The following ZNF248 variants were observed in gnomAD, a reference collection of about 807,000 sequenced individuals.
ZNF248 encodes the protein KRAB protein domain.
In ZNF248, 20 loss-of-function variants were observed where a neutral mutation model predicts 44.3. That is an observed-to-expected ratio of 0.45 (90% CI 0.32 to 0.66). The LOEUF (loss-of-function observed/expected upper bound fraction) is 0.66, where lower values mean the gene tolerates loss of function less well. Ranked by LOEUF, ZNF248 falls within the 30% of genes least tolerant of loss-of-function variation. ZNF248 has a pLI of 0.04. For missense variants in ZNF248, 654 were observed against 677.0 expected (o/e 0.97, Z 0.38); for synonymous variants, 224 against 229.0 (o/e 0.98, Z 0.20).
At chr10:37,819,822 G>A (rs1311251670) in intron 6 of ZNF248, 69 of 787,036 alleles carry the variant, frequency 8.8e-5, no homozygotes, top group Middle Eastern at 2.3e-4. Context: ...GGAGGTTTCC[G>A]CTTTGCTAAC....
chr10:37,793,683 C>A (rs1166466070), intron 6 of ZNF248, among the ~76,000 whole-genome samples: 1 of 152,102 alleles, frequency 6.6e-6, no homozygotes, highest in African/African-American at 2.4e-5. Context: ...TCCTGTGATG[C>A]AACATATGCA....
chr10:37,776,473 C>T (rs939723800), downstream of ZNF248: 3 of 397,648 alleles, frequency 7.5e-6, no homozygotes, highest in Non-Finnish European at 1.3e-5. Flanking sequence ...GGGCTGACAA[C>T]GTTCAGGTTA....
At chr10:37,855,303 C>T (rs2061076600) in intron 3 of ZNF248, among the ~76,000 whole-genome samples, 1 of 152,074 alleles carries the variant, frequency 6.6e-6, no homozygotes, top group Non-Finnish European at 1.5e-5. Flanking sequence ...AAATGTCACC[C>T]TACCTGGAGA....
chr10:37,790,164 G>C (rs144812953), intron 6 of ZNF248, among the ~76,000 whole-genome samples: 5,466 of 151,428 alleles, frequency 0.036, 359 homozygotes, highest in African/African-American at 0.13. Flanking sequence ...CCAACTACTC[G>C]GCAGGCTGAG....
chr10:37,844,531 A>G (rs1589840423), intron 3 of ZNF248, among the ~76,000 whole-genome samples: 1 of 152,250 alleles, frequency 6.6e-6, no homozygotes, highest in Non-Finnish European at 1.5e-5. Context: ...ATGCATACAC[A>G]GTAATTATAA....
rs553308935 is a variant in ZNF248, at chr10:37,785,468, C to T, written c.331-8893G>A. On this transcript the variant is annotated intron_variant, in intron 6 of 6. Coordinates refer to the ZNF248 transcript ENST00000615949. ...AAAAATGGTGCATTGGGAATTGGGC[C>T]TGAACAGGTCTCAGCAACTTAGTAA... 7.9e-5 allele frequency among the ~76,000 whole-genome samples: 12 copies of T among 152,272 alleles called. No homozygotes were observed. In the East Asian group the frequency reaches 1.5e-3, roughly 20 times the overall value.
downstream of ZNF248, among the ~76,000 whole-genome samples, chr10:37,827,133 T>C (rs2054505717): frequency 6.6e-6 from 1 of 152,216 alleles, no homozygotes; most frequent in African/African-American, 2.4e-5. Context: ...GCACCAGTCA[T>C]GGCTGCCAAG....
At chr10:37,766,888 C>T in the ZNF248 span, among the ~76,000 whole-genome samples, 34 of 151,920 alleles carry the variant, frequency 2.2e-4, no homozygotes, top group Non-Finnish European at 4.0e-4. Context: ...AAAAATTAGA[C>T]GAATGGATAA....
the ZNF248 span, among the ~76,000 whole-genome samples, chr10:37,769,012 G>C: frequency 6.6e-6 from 1 of 152,254 alleles, no homozygotes; most frequent in South Asian, 2.1e-4. Flanking sequence ...AAATAAACTA[G>C]AAAATCTAGA....
Position 37,856,486 on chromosome 10 carries a change from C to T in ZNF248, c.-79G>A. ...CTGAGCTCAGACATGACACTTTTCA[C>T]TGAGTGAATGTAAATATTTCTTATT... On this transcript the variant is annotated 5_prime_UTR_variant, in exon 2 of 6. It adds an upstream start codon to the 5' untranslated region. Coordinates refer to ENST00000395867, the MANE Select transcript of ZNF248 (RefSeq NM_021045.3). 1 of 1,275,164 alleles carries T rather than the reference C, an allele frequency of 7.8e-7. No homozygotes were observed. The highest frequency in any genetic ancestry group is 1.5e-5 in the African/African-American group (1 of 66,508). 79.0% of individuals were successfully genotyped at this position (1,275,164 alleles called of 1,614,324 possible).
intron 3 of ZNF248, among the ~76,000 whole-genome samples, chr10:37,840,626 A>C (rs1260716031): frequency 6.6e-6 from 1 of 152,134 alleles, no homozygotes; most frequent in African/African-American, 2.4e-5. Flanking sequence ...AAAGCTAAAC[A>C]ATCTAAATTA....
Position 37,780,210 on chromosome 10 carries a change from C to G in ZNF248, c.331-3635G>C, listed in dbSNP as rs529896937. 7.6e-3 allele frequency among the ~76,000 whole-genome samples: 1,160 copies of G among 151,960 alleles called. 16 individuals carry two copies. Among genetic ancestry groups the G allele is most frequent in the Non-Finnish European group, 7.2e-3 (488 of 67,932 alleles). ...CAAAAAGGAGCCCGCATCGCCAAGT[C>G]AATCCTAAGCCAAAAGAACAAAGCT... On this transcript the variant is annotated intron_variant, in intron 6 of 6. Coordinates refer to the ZNF248 transcript ENST00000615949.
chr10:37,815,531 AG>A (rs2052306627), intron 6 of ZNF248, among the ~76,000 whole-genome samples: 2 of 151,892 alleles, frequency 1.3e-5, no homozygotes, highest in South Asian at 4.2e-4. Flanking sequence ...TTTTGTTTAT[AG>A]TTTTCTTGAC....
intron 6 of ZNF248, among the ~76,000 whole-genome samples, chr10:37,804,616 T>C (rs55742761): frequency 0.25 from 38,315 of 152,048 alleles, 5,024 homozygotes; most frequent in East Asian, 0.4. Flanking sequence ...TTTTAATTAT[T>C]TGTAGAGACA....
rs1046047484 is a variant in ZNF248, at chr10:37,832,048, T to C, written c.1307A>G (p.Tyr436Cys). 7.4e-6 allele frequency: 12 copies of C among 1,613,980 alleles called. No homozygotes were observed. Among genetic ancestry groups the C allele is most frequent in the Middle Eastern group, 1.6e-4 (1 of 6,062 alleles). ...TGTTTTTCCACATTGCTTACATTCA[T>C]AGGGTTTTTCTCCTGTATGTGTTCG... ...HQRTHTGEKP[Y>C]ECKQCGKTFC... The change falls in exon 6 of 6, where the codon TAT becomes TGT. Residue 436 changes from tyrosine (Y) to cysteine (C), a missense_variant. Physicochemically the swap from Tyr to Cys is radical, Grantham distance 194 (BLOSUM62 -2). Coordinates refer to ENST00000395867, the MANE Select transcript of ZNF248 (RefSeq NM_021045.3).
chr10:37,799,139 A>G (rs2049497265), intron 6 of ZNF248, among the ~76,000 whole-genome samples: 4 of 152,160 alleles, frequency 2.6e-5, no homozygotes, highest in Admixed American at 2.6e-4. Context: ...ATTAAAGTGC[A>G]ATATAATAAC....
intron 5 of ZNF248, among the ~76,000 whole-genome samples, chr10:37,836,731 T>G (rs1050030569): frequency 1.3e-5 from 2 of 151,674 alleles, no homozygotes; most frequent in Non-Finnish European, 2.9e-5. Context: ...CACACACATA[T>G]GCACATGGGT....
intron 3 of ZNF248, among the ~76,000 whole-genome samples, chr10:37,840,238 AAAAC>A (rs1303169834): frequency 2.0e-5 from 3 of 152,234 alleles, no homozygotes; most frequent in African/African-American, 7.2e-5. Flanking sequence ...CAAAAATGAA[AAAAC>A]AAACCACAGA....
At position 37,818,002 on chromosome 10, in the gene ZNF248, G is replaced by A. The variant is rs577315673; in HGVS notation, c.330+15023C>T. Among the ~76,000 whole-genome samples, 375 of 152,038 alleles carry A rather than the reference G, an allele frequency of 2.5e-3. 2 individuals carry two copies. Among genetic ancestry groups the A allele is most frequent in the Middle Eastern group, 0.017 (5 of 294 alleles). On this transcript the variant is annotated intron_variant, in intron 6 of 6. Transcript: ENST00000615949. ...GTGATCTCGGCTCACTGCAAGCTCC[G>A]CCTCTCGGGTTCACGACATTCTCCT... is the stretch of plus-strand genomic sequence containing the variant.
Sources: gnomAD v4.1 joint callset for allele counts (sites outside exome capture counted in the v4.1 genomes callset) on GRCh38, gnomAD v4.1.1 for gene constraint, MANE v1.5 for transcripts, NCBI Gene and HGNC (gene_info 2026-07-23, HGNC 2026-07-21) for gene names.